IPO7: variants seen among roughly 807,000 people sequenced by gnomAD.
IPO7 encodes importin 7.
Under a neutral mutation model 136.4 loss-of-function variants are expected in IPO7, and 13 were observed. The observed-to-expected ratio is 0.10, with a 90% CI of 0.06 to 0.15. IPO7 has a LOEUF of 0.15. Ranked by LOEUF, IPO7 falls within the 10% of genes least tolerant of loss-of-function variation. The probability of loss-of-function intolerance (pLI) is 1.00; values close to 1 mark genes in which losing one functional copy is unlikely to be tolerated. For missense variants in IPO7, 857 were observed against 1,240.6 expected (o/e 0.69, Z 4.65); for synonymous variants, 403 against 404.4 (o/e 1.00, Z 0.04).
At chr11:9,431,625 T>C (rs1855295385) in intron 16 of IPO7, among the ~76,000 whole-genome samples, 1 of 152,142 alleles carries the variant, frequency 6.6e-6, no homozygotes, top group Non-Finnish European at 1.5e-5. Context: ...GGTTATAGTT[T>C]TCTTATTATT....
chr11:9,415,839 AAAAAAAAG>A lies in IPO7; in HGVS notation c.637-1204_637-1197del, dbSNP rs1036646498. 3.3e-5 allele frequency among the ~76,000 whole-genome samples: 5 copies of A among 152,106 alleles called. No homozygotes were observed. In the East Asian group the frequency reaches 5.8e-4, roughly 18 times the overall value. ...GGCGACTGAGCAAGACTCCGTCCCA[AAAAAAAAG>A]AAAAAAAGAAAAAAAAGAAATGGTT... is the stretch of plus-strand genomic sequence containing the variant. On this transcript the variant is annotated intron_variant, in intron 5 of 24. Coordinates refer to ENST00000379719, the MANE Select transcript of IPO7 (RefSeq NM_006391.3).
rs182040910 is a variant in IPO7, at chr11:9,443,319, G to A, written c.3019+1122G>A. Among the ~76,000 whole-genome samples the A allele has an allele frequency of 1.6e-3, 237 of 152,244 alleles. 1 individual carries two copies. Among genetic ancestry groups the A allele is most frequent in the Middle Eastern group, 0.01 (3 of 294 alleles). On this transcript the variant is annotated intron_variant, in intron 24 of 24. Transcript: ENST00000379719. ...AAAAATGTAAACACCTAAGCCGGGC[G>A]CAGTGGCTCACACCTGTAATCCCAG...
chr11:9,388,668 A>G (rs1357724244), intron 1 of IPO7, among the ~76,000 whole-genome samples: 1 of 151,192 alleles, frequency 6.6e-6, no homozygotes, highest in Non-Finnish European at 1.5e-5. Context: ...TTGTAGAGAC[A>G]AGGTTTCACC....
chr11:9,439,316 AT>A (rs969051636), intron 22 of IPO7, among the ~76,000 whole-genome samples: 2 of 151,986 alleles, frequency 1.3e-5, no homozygotes, highest in African/African-American at 4.8e-5. Flanking sequence ...GGATTTCACC[AT>A]GTTGGCCAGG....
intron 16 of IPO7, among the ~76,000 whole-genome samples, chr11:9,431,246 T>A (rs1395380436): frequency 1.3e-5 from 2 of 152,342 alleles, no homozygotes; most frequent in Middle Eastern, 3.4e-3. Flanking sequence ...TCCAGAAATA[T>A]GGTGGTTCCC....
intron 24 of IPO7, among the ~76,000 whole-genome samples, chr11:9,444,417 G>A (rs761340300): frequency 6.6e-6 from 1 of 151,640 alleles, no homozygotes; most frequent in Non-Finnish European, 1.5e-5. Context: ...AGGCTGGAGT[G>A]CAGTGGTGCA....
In IPO7 at chr11:9,417,088, A is replaced by G. The variant is rs770986927; in HGVS notation, c.666A>G (p.Gln222=). The change falls in exon 6 of 25, where the codon CAA becomes CAG. Residue 222 remains glutamine (Q), a synonymous_variant. Transcript: ENST00000379719. The part of the protein sequence containing the change: ...QYTLPLELIN[Q]QNLTEWIEIL... ...CACTACCACTGGAACTGATAAACCA[A>G]CAGAACCTGACAGAATGGATAGAAA... 1 of 1,564,324 alleles carries G rather than the reference A, an allele frequency of 6.4e-7. No individual in the cohort carries two copies. The highest frequency in any genetic ancestry group is 8.8e-7 in the Non-Finnish European group (1 of 1,136,358).
intron 2 of IPO7, among the ~76,000 whole-genome samples, chr11:9,406,092 G>C (rs961459477): frequency 1.5e-5 from 2 of 137,862 alleles, no homozygotes; most frequent in Non-Finnish European, 3.1e-5. Context: ...TCACTATGTT[G>C]CTGAGGCTGG....
rs1429658831 is a variant in IPO7, at chr11:9,433,578, A to G, written c.1890A>G (p.Gln630=). ...TTTTTCTTCTCTTTTAGATAACCCA[A>G]CAGCTTGAGGGAATCTGCTTACAGG... ...SVVEDHKEIT[Q]QLEGICLQVI... Residue 630 remains glutamine (Q), a synonymous_variant, in exon 17 of 25, where the codon CAA becomes CAG. Transcript: ENST00000379719. 1 of 1,611,872 alleles carries G rather than the reference A, an allele frequency of 6.2e-7. No homozygotes were observed. Among genetic ancestry groups the G allele is most frequent in the Non-Finnish European group, 8.5e-7 (1 of 1,179,632 alleles).
At position 9,384,694 on chromosome 11, in the gene IPO7, T is replaced by C. The variant is rs1854524217; in HGVS notation, c.-70T>C. Reference sequence around the variant, plus strand: ...CGCTGCGGAGCGCGGCGGGTCCATGTGCGCAGTGAGTGGCGCTATTCCTGG... The same window carrying C: ...CGCTGCGGAGCGCGGCGGGTCCATGCGCGCAGTGAGTGGCGCTATTCCTGG... On this transcript the variant is annotated 5_prime_UTR_variant, in exon 1 of 25. Transcript: ENST00000379719. The C allele has an allele frequency of 7.6e-7, 1 of 1,309,268 alleles. No individual in the cohort carries two copies. The highest frequency in any genetic ancestry group is 1.1e-6 in the Non-Finnish European group (1 of 942,716). 81.1% of individuals were successfully genotyped at this position (1,309,268 alleles called of 1,614,324 possible).
At chr11:9,434,303 G>A (rs973952223) in intron 18 of IPO7, among the ~76,000 whole-genome samples, 3 of 152,066 alleles carry the variant, frequency 2.0e-5, no homozygotes, top group African/African-American at 7.2e-5. Flanking sequence ...CAGTGGTGAT[G>A]CATGATATTG....
At chr11:9,436,869 T>TATATATATATA (rs1491472277) in intron 20 of IPO7, among the ~76,000 whole-genome samples, 30 of 13,570 alleles carry the variant, frequency 2.2e-3, no homozygotes, top group South Asian at 9.3e-3. Context: ...TATATATATA[T>TATATATATATA]TTTTTTTTTT....
intron 1 of IPO7, among the ~76,000 whole-genome samples, chr11:9,400,927 A>G (rs1292655796): frequency 6.6e-6 from 1 of 150,642 alleles, no homozygotes; most frequent in Non-Finnish European, 1.5e-5. Context: ...CCCCCCTGTA[A>G]TCCCAGCACT....
At chr11:9,443,037 CA>C (rs935018192) in intron 24 of IPO7, among the ~76,000 whole-genome samples, 3 of 151,252 alleles carry the variant, frequency 2.0e-5, no homozygotes, top group Admixed American at 2.0e-4. Flanking sequence ...AAAACAGAAA[CA>C]AAAAAAACTA....
chr11:9,388,214 G>C (rs929783943), intron 1 of IPO7, among the ~76,000 whole-genome samples: 24 of 149,338 alleles, frequency 1.6e-4, no homozygotes, highest in Admixed American at 4.7e-4. Context: ...TCTTGCTCTT[G>C]TTGCCCAGGC....
chr11:9,438,774 G>C (rs573947035), intron 22 of IPO7, among the ~76,000 whole-genome samples: 5 of 152,070 alleles, frequency 3.3e-5, no homozygotes, highest in Admixed American at 1.3e-4. Context: ...CCAACATGTA[G>C]AACAGTTCAA....
At chr11:9,410,615 T>G (rs1026265158) in intron 4 of IPO7, among the ~76,000 whole-genome samples, 1 of 152,176 alleles carries the variant, frequency 6.6e-6, no homozygotes, top group African/African-American at 2.4e-5. Context: ...CAGATTATAG[T>G]TCATATAGGT....
chr11:9,429,264 T>C lies in IPO7; in HGVS notation c.1591+68T>C, dbSNP rs568041111. The C allele has an allele frequency of 2.6e-5, 35 of 1,325,728 alleles. No individual in the cohort carries two copies. The East Asian group carries it at 8.1e-4, about 31-fold the overall frequency. The allele number at this position is 1,325,728 out of a possible 1,614,324, so 82.1% of individuals were successfully genotyped here. ...GTGCGGTAGGTCACACCTGTAATCT[T>C]AGCACTTCGGTAGGCTTAGGTGGGA... On this transcript the variant is annotated intron_variant, in intron 14 of 24. Coordinates refer to ENST00000379719, the MANE Select transcript of IPO7 (RefSeq NM_006391.3).
At chr11:9,392,397 A>G (rs1233297910) in intron 1 of IPO7, 1 of 235,680 alleles carries the variant, frequency 4.2e-6, no homozygotes, top group African/African-American at 2.4e-5. Context: ...GCTGGTCTCG[A>G]ACTCCCGAGA....
Sources: allele counts gnomAD v4.1 joint callset (sites outside exome capture counted in the v4.1 genomes callset), GRCh38; gene constraint gnomAD v4.1.1; transcripts MANE v1.5; gene names NCBI Gene and HGNC (gene_info 2026-07-23, HGNC 2026-07-21).